CHCHD6: variants seen among roughly 807,000 people sequenced by gnomAD.
CHCHD6 encodes the protein MICOS complex subunit MIC25.
CHCHD6 carries 28 observed loss-of-function variants against 32.3 expected under a neutral mutation model. The observed-to-expected ratio is 0.87, with a 90% CI of 0.64 to 1.19. The LOEUF (loss-of-function observed/expected upper bound fraction) is 1.19, where lower values mean the gene tolerates loss of function less well. Among genes scored for constraint, CHCHD6 ranks in the 50% most tolerant of loss-of-function variants. The pLI is 0.00. For missense variants in CHCHD6, 333 were observed against 307.0 expected, an observed-to-expected ratio of 1.08 and a Z score of -0.63; for synonymous variants, 122 against 117.5, an observed-to-expected ratio of 1.04 and a Z score of -0.25.
At chr3:126,885,058 G>A (rs1009689312) in intron 5 of CHCHD6, among the ~76,000 whole-genome samples, 1 of 152,154 alleles carries the variant, frequency 6.6e-6, no homozygotes, top group Non-Finnish European at 1.5e-5. Context: ...CGTGGCACTG[G>A]TGTCAGGGGG....
At chr3:126,739,786 T>A (rs1029964652) in intron 4 of CHCHD6, among the ~76,000 whole-genome samples, 1 of 152,234 alleles carries the variant, frequency 6.6e-6, no homozygotes, top group African/African-American at 2.4e-5. Flanking sequence ...GTTGCCCACC[T>A]GCAGATCCTC....
At chr3:126,904,560 G>T (rs1346401188) in intron 5 of CHCHD6, among the ~76,000 whole-genome samples, 1 of 152,134 alleles carries the variant, frequency 6.6e-6, no homozygotes, top group Non-Finnish European at 1.5e-5. Context: ...GTGTGTGTGT[G>T]TATGTATACA....
intron 4 of CHCHD6, among the ~76,000 whole-genome samples, chr3:126,776,409 A>G (rs1937649564): frequency 6.6e-6 from 1 of 152,158 alleles, no homozygotes; most frequent in Admixed American, 6.5e-5. Flanking sequence ...TCTGCCTTAC[A>G]TTCTCTCAGC....
intron 6 of CHCHD6, among the ~76,000 whole-genome samples, chr3:126,940,530 G>C (rs1190783013): frequency 6.6e-6 from 1 of 152,120 alleles, no homozygotes; most frequent in African/African-American, 2.4e-5. Context: ...GTGTTTGTGT[G>C]CTTATATGTT....
chr3:126,787,721 T>A (rs1447200402), intron 4 of CHCHD6, among the ~76,000 whole-genome samples: 2 of 152,242 alleles, frequency 1.3e-5, no homozygotes, highest in African/African-American at 4.8e-5. Context: ...TAAGGAGATT[T>A]TGGGCTGAGA....
At chr3:126,783,768 G>A (rs779114626) in intron 4 of CHCHD6, among the ~76,000 whole-genome samples, 1 of 149,742 alleles carries the variant, frequency 6.7e-6, no homozygotes, top group Non-Finnish European at 1.5e-5. Context: ...ATCAGCAGCT[G>A]TGATCTGTAA....
At position 126,775,757 on chromosome 3, in the gene CHCHD6, T is replaced by A. The variant is rs139837911; in HGVS notation, c.411+42535T>A. On this transcript the variant is annotated intron_variant, in intron 4 of 7. Coordinates refer to ENST00000290913, the MANE Select transcript of CHCHD6 (RefSeq NM_032343.3). Reference sequence around the variant, plus strand: ...GACTTTTATCTTCAAGGGTGAGGTATGATGAAGTTGCTTCTGCGGGTTTTG... The same window carrying A: ...GACTTTTATCTTCAAGGGTGAGGTAAGATGAAGTTGCTTCTGCGGGTTTTG... Among the ~76,000 whole-genome samples, 1,065 of 152,300 alleles carry A rather than the reference T, an allele frequency of 7.0e-3. 13 individuals carry two copies. Among genetic ancestry groups the A allele is most frequent in the African/African-American group, 0.024 (1,017 of 41,550 alleles).
chr3:126,736,452 G>T (rs1936047157), intron 4 of CHCHD6, among the ~76,000 whole-genome samples: 1 of 152,240 alleles, frequency 6.6e-6, no homozygotes. Flanking sequence ...GCCTCATCTA[G>T]AGGATTTCCT....
At chr3:126,946,998 A>G (rs1559937671) in intron 6 of CHCHD6, among the ~76,000 whole-genome samples, 1 of 152,248 alleles carries the variant, frequency 6.6e-6, no homozygotes, top group East Asian at 1.9e-4. Context: ...AAGTGAAGAG[A>G]GCACACAGAG....
chr3:126,714,890 A>T (rs567321511), intron 1 of CHCHD6, among the ~76,000 whole-genome samples: 1 of 152,270 alleles, frequency 6.6e-6, no homozygotes, highest in South Asian at 2.1e-4. Context: ...CCTGCCTGTG[A>T]TGCCTCACTT....
At chr3:126,804,797 C>G (rs13067786) in intron 4 of CHCHD6, among the ~76,000 whole-genome samples, 1 of 151,920 alleles carries the variant, frequency 6.6e-6, no homozygotes, top group Non-Finnish European at 1.5e-5. Context: ...TGCAAAAATC[C>G]TCAATAAAAT....
At chr3:126,919,101 AT>A (rs956019116) in intron 6 of CHCHD6, among the ~76,000 whole-genome samples, 3 of 152,104 alleles carry the variant, frequency 2.0e-5, no homozygotes, top group Non-Finnish European at 4.4e-5. Context: ...TTGAAACTTG[AT>A]TTATGGTCCA....
At chr3:126,719,270 C>G (rs1047169599) in intron 1 of CHCHD6, among the ~76,000 whole-genome samples, 36 of 152,254 alleles carry the variant, frequency 2.4e-4, no homozygotes, top group Admixed American at 7.9e-4. Flanking sequence ...TGCTTCTCCC[C>G]TCTCCTGGAA....
intron 5 of CHCHD6, among the ~76,000 whole-genome samples, chr3:126,865,260 A>T (rs892039511): frequency 6.8e-6 from 1 of 148,028 alleles, no homozygotes; most frequent in Non-Finnish European, 1.5e-5. Context: ...CTTGACATCT[A>T]CGTTCAATTT....
chr3:126,845,234 C>A (rs1480169446), intron 4 of CHCHD6, among the ~76,000 whole-genome samples: 1 of 152,056 alleles, frequency 6.6e-6, no homozygotes, highest in African/African-American at 2.4e-5. Context: ...GTTCTTTGTT[C>A]CTCTTTGCTT....
chr3:126,939,795 A>G (rs1005873244), intron 6 of CHCHD6, among the ~76,000 whole-genome samples: 2 of 152,250 alleles, frequency 1.3e-5, no homozygotes, highest in Non-Finnish European at 2.9e-5. Context: ...AGATAAGGGC[A>G]TCATTTATTC....
At chr3:126,751,089 A>G (rs1936701838) in intron 4 of CHCHD6, among the ~76,000 whole-genome samples, 2 of 151,790 alleles carry the variant, frequency 1.3e-5, no homozygotes, top group African/African-American at 2.4e-5. Flanking sequence ...TAGGGCTGAA[A>G]AGGAATGTAT....
intron 5 of CHCHD6, among the ~76,000 whole-genome samples, chr3:126,876,285 C>G (rs1202190973): frequency 6.6e-6 from 1 of 152,210 alleles, no homozygotes; most frequent in Non-Finnish European, 1.5e-5. Context: ...TAGAAAGAAG[C>G]TTGATGAGTT....
chr3:126,800,343 T>C (rs1037130134), intron 4 of CHCHD6, among the ~76,000 whole-genome samples: 1 of 151,998 alleles, frequency 6.6e-6, no homozygotes, highest in Non-Finnish European at 1.5e-5. Context: ...GGCAGCAAAA[T>C]TGTGACAGCT....
Sources: allele counts gnomAD v4.1 joint callset (sites outside exome capture counted in the v4.1 genomes callset), GRCh38; gene constraint gnomAD v4.1.1; transcripts MANE v1.5; gene names NCBI Gene and HGNC (gene_info 2026-07-23, HGNC 2026-07-21).